Variants in ANO5 observed in about 807,000 individuals in gnomAD.
The protein encoded by ANO5 is anoctamin 5, also known as anoctamin-5.
In ANO5, 109 loss-of-function variants were observed where a neutral mutation model predicts 121.0. The observed-to-expected ratio is 0.90, with a 90% confidence interval of 0.77 to 1.06. The LOEUF is 1.06. Among genes scored for constraint, ANO5 ranks in the 50% least tolerant of loss-of-function variants. The probability of loss-of-function intolerance (pLI) is 0.00; values close to 1 mark genes in which losing one functional copy is unlikely to be tolerated. For missense variants in ANO5, 1,064 were observed against 1,078.5 expected (o/e 0.99, Z 0.19); for synonymous variants, 406 against 359.9 (o/e 1.13, Z -1.45).
At position 22,280,060 on chromosome 11, in the gene ANO5, G is replaced by A. The variant is rs1443229308; in HGVS notation, c.*295G>A. 8.4e-6 allele frequency: 3 copies of A among 357,812 alleles called. No individual in the cohort carries two copies. Among genetic ancestry groups the A allele is most frequent in the Non-Finnish European group, 1.5e-5 (3 of 195,422 alleles). The allele number at this position is 357,812 out of a possible 1,614,324, so 22.2% of individuals were successfully genotyped here. ...GAATACTGGGAAATTATGGAGTCTT[G>A]CAGTTTAGTAAGAAACACTGGCCTT... On this transcript the variant is annotated 3_prime_UTR_variant, in exon 22 of 22. Transcript: ENST00000324559.
chr11:22,197,847 A>G (rs1289130950), intron 1 of ANO5, among the ~76,000 whole-genome samples: 3 of 152,190 alleles, frequency 2.0e-5, no homozygotes, highest in African/African-American at 7.2e-5. Context: ...CAGGGAGAGT[A>G]TAGTGCTATC....
At chr11:22,249,070 A>T (rs1853714052) in intron 9 of ANO5, among the ~76,000 whole-genome samples, 1 of 152,028 alleles carries the variant, frequency 6.6e-6, no homozygotes, top group Non-Finnish European at 1.5e-5. Flanking sequence ...ATGGCATTAT[A>T]ATTTAATTTC....
At chr11:22,213,955 T>G (rs753557281) in intron 3 of ANO5, among the ~76,000 whole-genome samples, 4 of 151,916 alleles carry the variant, frequency 2.6e-5, no homozygotes, top group Non-Finnish European at 4.4e-5. Context: ...CAGGCTGGAG[T>G]CCAGTGGCAT....
chr11:22,270,519 C>A, intron 18 of ANO5, 77 bp downstream of exon 18: 1 of 1,565,694 alleles, frequency 6.4e-7, no homozygotes, highest in Non-Finnish European at 8.8e-7. Context: ...CTTCTTTCTG[C>A]CTTGCACATG....
At chr11:22,273,080 A>G in intron 19 of ANO5, 91 bp downstream of exon 19, 1 of 1,290,892 alleles carries the variant, frequency 7.7e-7, no homozygotes, top group Non-Finnish European at 1.1e-6. Flanking sequence ...ACATGATTTC[A>G]TTATGGTGAT....
intron 14 of ANO5, among the ~76,000 whole-genome samples, chr11:22,258,090 A>G (rs1854062992): frequency 6.6e-6 from 1 of 152,210 alleles, no homozygotes. Context: ...TAGAAAAATC[A>G]TGAATGTATC....
In ANO5 at chr11:22,250,790, C is replaced by A. The variant is rs886042583; in HGVS notation, c.1063C>A (p.Leu355Ile). 1 of 1,614,078 alleles carries A rather than the reference C, an allele frequency of 6.2e-7. No homozygotes were observed. The highest frequency in any genetic ancestry group is 8.5e-7 in the Non-Finnish European group (1 of 1,179,946). ...TGGTGGTCAGATGATCATGTGCCCA[C>A]TCTGTGATCAAGTGTGTGATTATTG... is the stretch of plus-strand genomic sequence containing the variant. ...EIGGQMIMCP[L>I]CDQVCDYWRL... The change falls in exon 11 of 22, where the codon CTC (leucine) becomes ATC (isoleucine). Residue 355 changes from leucine (L) to isoleucine (I), a missense_variant. Transcript: ENST00000324559.
chr11:22,204,846 G>A (rs1317358023), intron 2 of ANO5, among the ~76,000 whole-genome samples: 2 of 152,064 alleles, frequency 1.3e-5, no homozygotes, highest in African/African-American at 4.8e-5. Context: ...CCATTACTGG[G>A]TATATGCCCA....
At position 22,227,535 on chromosome 11, in the gene ANO5, C is replaced by T. The variant is rs2133612787; in HGVS notation, c.597C>T (p.Phe199=). The part of the protein sequence containing the change: ...AQFSRHRQEL[F]LIEDQATFFP... ...TCAGCAGACATCGGCAGGAGCTCTT[C>T]CTCATCGAAGATCAGGCAACCTTCT... Residue 199 remains phenylalanine (F), a synonymous_variant, in exon 7 of 22, where the codon TTC becomes TTT. Coordinates refer to ENST00000324559, the MANE Select transcript of ANO5 (RefSeq NM_213599.3). 4 of 1,613,496 alleles carry T rather than the reference C, an allele frequency of 2.5e-6. No individual in the cohort carries two copies. The highest frequency in any genetic ancestry group is 3.4e-6 in the Non-Finnish European group (4 of 1,179,726).
At chr11:22,237,413 C>T (rs193267123) in intron 8 of ANO5, among the ~76,000 whole-genome samples, 6 of 152,082 alleles carry the variant, frequency 3.9e-5, no homozygotes, top group East Asian at 1.9e-4. Context: ...TTTTTTGAGA[C>T]GGCGTCTTGC....
intron 19 of ANO5, 55 bp from the exon 20 acceptor site, chr11:22,274,514 T>C: frequency 6.8e-7 from 1 of 1,471,896 alleles, no homozygotes; most frequent in Non-Finnish European, 9.1e-7. Context: ...AATCAGACAT[T>C]ATTAAAACTA....
intron 17 of ANO5, among the ~76,000 whole-genome samples, chr11:22,264,389 C>T (rs1854293758): frequency 1.3e-5 from 2 of 151,050 alleles, no homozygotes; most frequent in Admixed American, 6.6e-5. Context: ...GGAGGCAATA[C>T]CTAAACCAAA....
At position 22,255,410 on chromosome 11, in the gene ANO5, G is replaced by T. The variant is rs755441788; in HGVS notation, c.1220G>T (p.Arg407Ile). The T allele has an allele frequency of 3.7e-6, 6 of 1,612,168 alleles. No homozygotes were observed. The Admixed American group carries it at 8.3e-5, about 22-fold the overall frequency. The change falls in exon 13 of 22, where the codon AGA becomes ATA. Residue 407 changes from arginine (R) to isoleucine (I), a missense_variant. Transcript: ENST00000324559. ...GAGTTTTGGAAACAACGACAAGCCA[G>T]ACTGGAATATGAATGGGACCTGGTG... ...FLEFWKQRQA[R>I]LEYEWDLVDF...
intron 9 of ANO5, among the ~76,000 whole-genome samples, chr11:22,240,765 T>G (rs1853402400): frequency 1.3e-5 from 2 of 151,592 alleles, no homozygotes; most frequent in South Asian, 4.2e-4. Flanking sequence ...TGGATAATAT[T>G]GATTTAGTCC....
intron 6 of ANO5, among the ~76,000 whole-genome samples, chr11:22,226,645 A>AG (rs1852843646): frequency 6.6e-6 from 1 of 152,100 alleles, no homozygotes; most frequent in African/African-American, 2.4e-5. Context: ...GGATTGCTGG[A>AG]GCCCAGGAGT....
At chr11:22,221,866 C>T (rs72979958) in intron 5 of ANO5, among the ~76,000 whole-genome samples, 1 of 152,008 alleles carries the variant, frequency 6.6e-6, no homozygotes, top group Non-Finnish European at 1.5e-5. Flanking sequence ...GTACTTACAA[C>T]ATAAATGTCA....
At chr11:22,266,248 T>C (rs1002596150) in intron 17 of ANO5, among the ~76,000 whole-genome samples, 6 of 152,202 alleles carry the variant, frequency 3.9e-5, no homozygotes, top group Non-Finnish European at 7.4e-5. Context: ...TTTCTAGCCA[T>C]GTTCTGTTTC....
Position 22,227,371 on chromosome 11 carries a change from G to A in ANO5, c.433G>A (p.Glu145Lys). 6.2e-7 allele frequency: 1 copy of A among 1,613,506 alleles called. No homozygotes were observed. Among genetic ancestry groups the A allele is most frequent in the South Asian group, 1.1e-5 (1 of 91,076 alleles). ...TTGGGAGGTATTAGTTACCTATGCT[G>A]AAGTCTTGGGAATCAAAATGCCTAT... ...APWEVLVTYA[E>K]VLGIKMPIKE... Residue 145 changes from glutamate to lysine, a missense_variant, in exon 7 of 22, where the codon GAA becomes AAA. Physicochemically the swap from Glu to Lys is moderately conservative, Grantham distance 56. Coordinates refer to ENST00000324559, the MANE Select transcript of ANO5 (RefSeq NM_213599.3).
intron 2 of ANO5, among the ~76,000 whole-genome samples, chr11:22,205,111 C>G (rs943251949): frequency 6.6e-6 from 1 of 152,056 alleles, no homozygotes; most frequent in Admixed American, 6.6e-5. Flanking sequence ...AAACCAAATA[C>G]CCCATGTTCT....
Sources: allele counts gnomAD v4.1 joint callset (sites outside exome capture counted in the v4.1 genomes callset), GRCh38; gene constraint gnomAD v4.1.1; transcripts MANE v1.5; gene names NCBI Gene and HGNC (gene_info 2026-07-23, HGNC 2026-07-21).